The following KLRG1 variants were observed in gnomAD, a reference collection of about 807,000 sequenced individuals.
KLRG1 encodes killer cell lectin like receptor G1.
A neutral mutation model predicts 21.8 loss-of-function variants in KLRG1; 16 were observed. The observed-to-expected ratio is 0.73, with a 90% CI of 0.50 to 1.11. The LOEUF (loss-of-function observed/expected upper bound fraction) is 1.11, where lower values mean the gene tolerates loss of function less well. KLRG1 is among the 50% of genes most tolerant of loss of function. The pLI is 0.00. For synonymous variants in KLRG1, 69 were observed against 75.9 expected (o/e 0.91, Z 0.47); for missense variants, 173 against 218.3 (o/e 0.79, Z 1.31).
chr12:8,987,861 G>A (rs1253611957), upstream of KLRG1, among the ~76,000 whole-genome samples: 1 of 152,154 alleles, frequency 6.6e-6, no homozygotes, highest in Non-Finnish European at 1.5e-5. Flanking sequence ...ATATTCCATT[G>A]TATGTGTAGA....
At chr12:9,200,914 G>A in the KLRG1 span, 2 of 1,613,742 alleles carry the variant, frequency 1.2e-6, no homozygotes, top group Non-Finnish European at 1.7e-6. Context: ...CGGTGAAGGG[G>A]TGCTGTATCC....
At chr12:9,127,738 G>C in the KLRG1 span, 1 of 165,696 alleles carries the variant, frequency 6.0e-6, no homozygotes, top group African/African-American at 2.4e-5. Context: ...GGTCCGACAG[G>C]CTGCTGACGG....
At chr12:9,013,726 C>T (rs751420364), downstream of KLRG1, among the ~76,000 whole-genome samples, 1 of 152,006 alleles carries the variant, frequency 6.6e-6, no homozygotes. Flanking sequence ...ATGGGAAAGA[C>T]CCACCCCCAT....
the KLRG1 span, chr12:9,110,381 C>T: frequency 8.2e-7 from 1 of 1,220,010 alleles, no homozygotes; most frequent in Admixed American, 2.7e-5. Flanking sequence ...TTCAAATATT[C>T]TTAAATCTCA....
At chr12:8,961,025 GGTTTCATTATT>G (rs1946372810) in intron 1 of KLRG1, among the ~76,000 whole-genome samples, 1 of 128,782 alleles carries the variant, frequency 7.8e-6, no homozygotes, top group South Asian at 2.8e-4. Context: ...CAGCAAGTTA[GGTTTCATTATT>G]ATTTCCATTT....
chr12:9,039,901 G>T, the KLRG1 span, among the ~76,000 whole-genome samples: 7 of 152,282 alleles, frequency 4.6e-5, no homozygotes, highest in Admixed American at 2.6e-4. Context: ...AAATGCCTGC[G>T]CAATGCATTC....
the KLRG1 span, chr12:9,067,527 A>G: frequency 4.3e-6 from 2 of 467,678 alleles, no homozygotes; most frequent in African/African-American, 4.0e-5. Context: ...ACATAACCCA[A>G]TACTTTCTTC....
chr12:8,967,802 C>T (rs1946502081), intron 1 of KLRG1, among the ~76,000 whole-genome samples: 1 of 151,808 alleles, frequency 6.6e-6, no homozygotes, highest in Non-Finnish European at 1.5e-5. Flanking sequence ...ATGAAAACGG[C>T]CAGGGAAAGG....
the KLRG1 span, chr12:9,107,402 A>G: frequency 8.2e-7 from 1 of 1,219,348 alleles, no homozygotes; most frequent in Non-Finnish European, 1.1e-6. Context: ...GAAAAATTAC[A>G]ATAGCCAACA....
chr12:9,215,414 T>A, the KLRG1 span, among the ~76,000 whole-genome samples: 127 of 152,124 alleles, frequency 8.3e-4, no homozygotes, highest in Non-Finnish European at 1.9e-4. Context: ...GAGAAAAAAA[T>A]TAAATTGTGA....
At chr12:9,099,514 T>G in the KLRG1 span, 1 of 1,608,354 alleles carries the variant, frequency 6.2e-7, no homozygotes, top group Non-Finnish European at 8.5e-7. Flanking sequence ...GATGGAAAAA[T>G]GGCCCTTCAC....
chr12:9,153,013 A>C, the KLRG1 span: 2 of 1,610,916 alleles, frequency 1.2e-6, no homozygotes, highest in South Asian at 2.2e-5. Flanking sequence ...CTTCCTCATT[A>C]CTTAACGTCT....
chr12:8,981,660 A>G (rs1201230764), intron 1 of KLRG1, among the ~76,000 whole-genome samples: 2 of 152,118 alleles, frequency 1.3e-5, no homozygotes, highest in African/African-American at 4.8e-5. Context: ...AGTATGTAAT[A>G]TATCTTTGCG....
the KLRG1 span, among the ~76,000 whole-genome samples, chr12:9,026,503 AATT>A: frequency 3.3e-5 from 5 of 152,138 alleles, no homozygotes; most frequent in African/African-American, 1.2e-4. Context: ...AATTCTGGCT[AATT>A]ATTATTATTA....
At chr12:9,142,357 T>A in the KLRG1 span, among the ~76,000 whole-genome samples, 6 of 152,226 alleles carry the variant, frequency 3.9e-5, no homozygotes, top group Non-Finnish European at 7.3e-5. Flanking sequence ...GGCTGAGTTA[T>A]AGTTTTGTAG....
chr12:9,011,388 A>C (rs1302683527), downstream of KLRG1, among the ~76,000 whole-genome samples: 3 of 152,194 alleles, frequency 2.0e-5, no homozygotes, highest in East Asian at 5.8e-4. Flanking sequence ...GTTTGGTAAA[A>C]CTAGAAACTA....
chr12:9,192,398 C>T, the KLRG1 span: 1 of 1,280,068 alleles, frequency 7.8e-7, no homozygotes, highest in Non-Finnish European at 1.1e-6. Flanking sequence ...GAAGGACGCA[C>T]AACAAGAACA....
At chr12:8,999,495 T>C (rs74721286) in intron 3 of KLRG1, among the ~76,000 whole-genome samples, 1,780 of 152,358 alleles carry the variant, frequency 0.012, 35 homozygotes, top group African/African-American at 0.04. Flanking sequence ...GCTTTTGATG[T>C]CGGCTTCTCA....
intron 1 of KLRG1, among the ~76,000 whole-genome samples, chr12:8,991,753 G>A (rs1045452143): frequency 6.6e-6 from 1 of 152,094 alleles, no homozygotes; most frequent in Non-Finnish European, 1.5e-5. Context: ...AATGTAGATT[G>A]TATTCAGTCT....
Sources: allele counts gnomAD v4.1 joint callset (sites outside exome capture counted in the v4.1 genomes callset), GRCh38; gene constraint gnomAD v4.1.1; transcripts MANE v1.5; gene names NCBI Gene and HGNC (gene_info 2026-07-23, HGNC 2026-07-21).